The following NPC1L1 variants were observed in gnomAD, a reference collection of about 807,000 sequenced individuals.
The protein encoded by NPC1L1 is NPC1 like intracellular cholesterol transporter 1.
In NPC1L1, 98 loss-of-function variants were observed where a neutral mutation model predicts 117.0. The observed-to-expected ratio is 0.84, with a 90% CI of 0.71 to 0.99. NPC1L1 has a LOEUF of 0.99. Ranked by LOEUF, NPC1L1 falls within the 50% of genes least tolerant of loss-of-function variation. The pLI, the probability that NPC1L1 is intolerant of heterozygous loss-of-function variation, is 0.00. For synonymous variants in NPC1L1, 729 were observed against 727.6 expected (o/e 1.00, Z -0.03); for missense variants, 1,540 against 1,710.0 (o/e 0.90, Z 1.75).
chr7:44,519,192 C>T (rs1220718240), intron 14 of NPC1L1, among the ~76,000 whole-genome samples: 1 of 152,158 alleles, frequency 6.6e-6, no homozygotes, highest in Non-Finnish European at 1.5e-5. Flanking sequence ...CAGCACCTAG[C>T]TGGAACTTCA....
chr7:44,536,275 T>C lies in NPC1L1; in HGVS notation c.1835A>G (p.Gln612Arg), dbSNP rs145291685. ...CCCTACCTCAGCCATGAACGTGACC[T>C]GGAACATGCCAGCCATCCGACGCTG... ...AFQRRMAGMF[Q>R]VTFMAERSLE... Residue 612 changes from glutamine (Q) to arginine (R), a missense_variant, in exon 4 of 19, where the codon CAG becomes CGG. Gln to Arg is a conservative substitution (Grantham distance 43, BLOSUM62 1). This residue lies in a region of NPC1L1 where 793 missense variants were observed against 820.4 expected (regional missense o/e 0.97). Coordinates refer to ENST00000381160, the MANE Select transcript of NPC1L1 (RefSeq NM_001101648.2). This position sits in a 1 kb window ranked among gnomAD's most constrained non-coding sequence, Gnocchi z 4.7. 1 of 1,613,910 alleles carries C rather than the reference T, an allele frequency of 6.2e-7. No individual in the cohort carries two copies. Among genetic ancestry groups the C allele is most frequent in the African/African-American group, 1.3e-5 (1 of 74,936 alleles).
intron 9 of NPC1L1, 99 bp downstream of exon 9, chr7:44,531,981 A>AGGGAC (rs1405226882): frequency 6.3e-7 from 1 of 1,578,478 alleles, no homozygotes; most frequent in Non-Finnish European, 8.7e-7. Context: ...AAGTATCAGC[A>AGGGAC]TTTGGGCCTA....
intron 10 of NPC1L1, among the ~76,000 whole-genome samples, chr7:44,528,169 G>A (rs1399112205): frequency 6.6e-6 from 1 of 152,192 alleles, no homozygotes; most frequent in Non-Finnish European, 1.5e-5. Context: ...TCAGGCTGGA[G>A]TACAGTGGCA....
intron 1 of NPC1L1, among the ~76,000 whole-genome samples, chr7:44,540,724 C>T (rs369312092): frequency 1.3e-5 from 2 of 151,942 alleles, no homozygotes; most frequent in African/African-American, 2.4e-5. Context: ...GGAGGCCCCC[C>T]GACTCCCACC....
chr7:44,533,436 G>T lies in NPC1L1; in HGVS notation c.2404C>A (p.Gln802Lys). The change falls in exon 8 of 19, where the codon CAG becomes AAG. Residue 802 changes from glutamine to lysine, a missense_variant. Transcript: ENST00000381160. Reference sequence around the variant, plus strand: ...ACTGGCCCAGCTGCCCCTACCTCCTGCCTCTTGCTGTCCAGGGAGAGCAGG... The same window carrying T: ...ACTGGCCCAGCTGCCCCTACCTCCTTCCTCTTGCTGTCCAGGGAGAGCAGG... The part of the protein sequence containing the change: ...VALLSLDSKR[Q>K]EASRLDVCCC... The T allele has an allele frequency of 6.2e-7, 1 of 1,613,828 alleles. No individual in the cohort carries two copies. The highest frequency in any genetic ancestry group is 1.3e-5 in the African/African-American group (1 of 75,016).
At position 44,536,214 on chromosome 7, in the gene NPC1L1, C is replaced by T; in HGVS notation, c.1854+42G>A. On this transcript the variant is annotated intron_variant, in intron 4 of 18. Transcript: ENST00000381160. The surrounding 1 kb of genome is among the most constrained non-coding windows in gnomAD (Gnocchi z 4.7). ...GGACACAGGAACTGACCCAAGACCACCTGGGTTGCACCCCCAGAGCCAGGG... is the reference window on the plus strand; with the variant it reads ...GGACACAGGAACTGACCCAAGACCATCTGGGTTGCACCCCCAGAGCCAGGG... 1 of 1,611,728 alleles carries T rather than the reference C, an allele frequency of 6.2e-7. No individual in the cohort carries two copies. Among genetic ancestry groups the T allele is most frequent in the Non-Finnish European group, 8.5e-7 (1 of 1,179,470 alleles).
chr7:44,519,620 C>T (rs549078398), intron 14 of NPC1L1, among the ~76,000 whole-genome samples: 6 of 152,230 alleles, frequency 3.9e-5, no homozygotes, highest in East Asian at 1.9e-4. Flanking sequence ...CCCCACCCAC[C>T]GACGACCCCC....
At chr7:44,516,655 C>T in intron 16 of NPC1L1, 48 bp downstream of exon 16, 2 of 1,466,054 alleles carry the variant, frequency 1.4e-6, no homozygotes, top group Non-Finnish European at 1.9e-6. Flanking sequence ...GGCTGGATCC[C>T]CAACCACCCC....
In NPC1L1 at chr7:44,539,020, G is replaced by T. The variant is rs147433374; in HGVS notation, c.1377C>A (p.Pro459=). 2.5e-5 allele frequency: 40 copies of T among 1,613,972 alleles called. No individual in the cohort carries two copies. The highest frequency in any genetic ancestry group is 3.3e-5 in the Non-Finnish European group (39 of 1,180,006). The part of the protein sequence containing the change: ...ERLRHLQVWS[P]EAQRNISLQD... ...GCAGGGAGATGTTGCGCTGTGCTTC[G>T]GGCGACCATACCTGGAGGTGCCGCA... Residue 459 remains proline (P), a synonymous_variant, in exon 2 of 19, where the codon CCC becomes CCA. Transcript: ENST00000381160. This position sits in a 1 kb window ranked among gnomAD's most constrained non-coding sequence, Gnocchi z 4.4.
At position 44,540,075 on chromosome 7, in the gene NPC1L1, C is replaced by T; in HGVS notation, c.322G>A (p.Ala108Thr). 6.2e-7 allele frequency: 1 copy of T among 1,614,156 alleles called. No homozygotes were observed. ...SLEASLSITK[A>T]LLTRCPACSD... ...CAGGCTGGGCAGCGGGTGAGGAGGG[C>T]CTTGGTGATCGACAGACTCGCTTCC... is the stretch of plus-strand genomic sequence containing the variant. The change falls in exon 2 of 19, where the codon GCC becomes ACC. Residue 108 changes from alanine (A) to threonine (T), a missense_variant. Ala to Thr is a moderately conservative substitution (Grantham distance 58, BLOSUM62 0). Transcript: ENST00000381160.
rs1562568364 is a variant in NPC1L1 at position 44,536,088 on chromosome 7, A to G, written c.1855-120T>C. On this transcript the variant is annotated intron_variant, in intron 4 of 18. Transcript: ENST00000381160. This position sits in a 1 kb window ranked among gnomAD's most constrained non-coding sequence, Gnocchi z 4.7. Reference sequence around the variant, plus strand: ...GTGTCATAGGGCCTGATGGCCCCCTATAATCGCAGGTGAGGCTATAAGAAC... The same window carrying G: ...GTGTCATAGGGCCTGATGGCCCCCTGTAATCGCAGGTGAGGCTATAAGAAC... 1.3e-6 allele frequency: 2 copies of G among 1,547,220 alleles called. No homozygotes were observed. Among genetic ancestry groups the G allele is most frequent in the Non-Finnish European group, 8.9e-7 (1 of 1,123,566 alleles).
In NPC1L1 at chr7:44,533,828, G is replaced by A. The variant is rs1187663549; in HGVS notation, c.2192C>T (p.Pro731Leu). The change falls in exon 7 of 19, where the codon CCA (proline) becomes CTA (leucine). Residue 731 changes from proline (P) to leucine (L), a missense_variant. Pro to Leu is a moderately conservative substitution (Grantham distance 98). Around this residue, in one of 3 missense-constraint regions of NPC1L1, gnomAD observed 742 missense variants for 873.6 expected, o/e 0.85. Coordinates refer to ENST00000381160, the MANE Select transcript of NPC1L1 (RefSeq NM_001101648.2). ...YQRLPRRPGE[P>L]REVHIGRALG... ...GGCTCGCCCAATGTGGACCTCTCGT[G>A]GCTCCCCAGGCCTCCGGGGCAGCCT... 1.9e-6 allele frequency: 3 copies of A among 1,612,994 alleles called. No individual in the cohort carries two copies. Among genetic ancestry groups the A allele is most frequent in the South Asian group, 2.2e-5 (2 of 90,830 alleles).
chr7:44,535,986 A>T lies in NPC1L1; in HGVS notation c.1855-18T>A, dbSNP rs750258238. On this transcript the variant is annotated intron_variant, in intron 4 of 18. Coordinates refer to ENST00000381160, the MANE Select transcript of NPC1L1 (RefSeq NM_001101648.2). ...AGAGAGCGCTGTGGACACACACCCG[A>T]CCAGCCCCCACTGACCGTGCCTGCT... is the stretch of plus-strand genomic sequence containing the variant. The T allele has an allele frequency of 4.3e-6, 7 of 1,612,460 alleles. No individual in the cohort carries two copies. Among genetic ancestry groups the T allele is most frequent in the South Asian group, 1.1e-5 (1 of 90,980 alleles).
rs1801817163 is a variant in NPC1L1 at position 44,534,687 on chromosome 7, C to T, written c.1984-58G>A. 1 of 1,588,260 alleles carries T rather than the reference C, an allele frequency of 6.3e-7. No individual in the cohort carries two copies. The highest frequency in any genetic ancestry group is 8.6e-7 in the Non-Finnish European group (1 of 1,161,032). On this transcript the variant is annotated intron_variant, in intron 5 of 18. Coordinates refer to ENST00000381160, the MANE Select transcript of NPC1L1 (RefSeq NM_001101648.2). This position sits in a 1 kb window ranked among gnomAD's most constrained non-coding sequence, Gnocchi z 5.2. The stretch of plus-strand genomic sequence containing the variant: ...CTTAGCACCTACCCAGTATGCCCAC[C>T]AGCCTCAGCTAGGCCAGACAAAGTA...
chr7:44,533,782 G>T lies in NPC1L1; in HGVS notation c.2238C>A (p.Ser746Arg), dbSNP rs1387931865. Residue 746 changes from serine to arginine, a missense_variant, in exon 7 of 19, where the codon AGC becomes AGA. Ser to Arg is a moderately radical substitution (Grantham distance 110, BLOSUM62 -1). Transcript: ENST00000381160. ...CCTCAGAGAGGCTGCACAACAGCATGCTGGGAGCCACCCTGCCTAGGGCTC... is the reference window on the plus strand; with the variant it reads ...CCTCAGAGAGGCTGCACAACAGCATTCTGGGAGCCACCCTGCCTAGGGCTC... ...IGRALGRVAPSMLLCSLSEAI... is the reference protein window; with the variant it reads ...IGRALGRVAPRMLLCSLSEAI... 1 of 1,613,964 alleles carries T rather than the reference G, an allele frequency of 6.2e-7. No homozygotes were observed. Among genetic ancestry groups the T allele is most frequent in the Admixed American group, 1.7e-5 (1 of 60,002 alleles).
At chr7:44,524,821 A>C (rs1801460541) in intron 10 of NPC1L1, among the ~76,000 whole-genome samples, 1 of 152,092 alleles carries the variant, frequency 6.6e-6, no homozygotes, top group Admixed American at 6.6e-5. Flanking sequence ...AAAAGAAAAC[A>C]AAGTCAAGGA....
chr7:44,521,423 C>G (rs1676405358), intron 12 of NPC1L1, among the ~76,000 whole-genome samples: 1 of 152,252 alleles, frequency 6.6e-6, no homozygotes, highest in African/African-American at 2.4e-5. Flanking sequence ...CAGCAGCTCT[C>G]CCCTCCTGAC....
Position 44,540,869 on chromosome 7 carries a change from T to C in NPC1L1, c.54+337A>G, listed in dbSNP as rs143862843. 3.6e-4 allele frequency among the ~76,000 whole-genome samples: 54 copies of C among 152,110 alleles called. No individual in the cohort carries two copies. In the East Asian group the frequency reaches 0.01, roughly 29 times the overall value. On this transcript the variant is annotated intron_variant, in intron 1 of 18. Coordinates refer to ENST00000381160, the MANE Select transcript of NPC1L1 (RefSeq NM_001101648.2). ...GTGCTCAGTCCTCCCTAGGTGATGCTCACCAGGTAACCCCATCCCAGCACC... is the reference window on the plus strand; with the variant it reads ...GTGCTCAGTCCTCCCTAGGTGATGCCCACCAGGTAACCCCATCCCAGCACC...
intron 14 of NPC1L1, 65 bp downstream of exon 14, chr7:44,520,700 G>A (rs1585130836): frequency 2.0e-5 from 27 of 1,355,548 alleles, no homozygotes; most frequent in Middle Eastern, 3.6e-4. Flanking sequence ...CTGTTCCCTG[G>A]GGTTTTCGGG....
Sources: allele counts gnomAD v4.1 joint callset (sites outside exome capture counted in the v4.1 genomes callset), GRCh38; gene constraint gnomAD v4.1.1; regional missense constraint gnomAD v4.1.1; non-coding constraint Gnocchi (gnomAD v3.1); transcripts MANE v1.5; gene names NCBI Gene and HGNC (gene_info 2026-07-23, HGNC 2026-07-21).